CSMD1: variants seen among roughly 807,000 people sequenced by gnomAD.
The protein encoded by CSMD1 is CUB and sushi domain-containing protein 1.
CSMD1 carries 213 observed loss-of-function variants against 417.5 expected under a neutral mutation model. The ratio of observed to expected loss-of-function variants is 0.51; its 90% CI spans 0.46 to 0.57. CSMD1 has a LOEUF of 0.57. Ranked by LOEUF, CSMD1 falls within the 20% of genes least tolerant of loss-of-function variation. The pLI, the probability that CSMD1 is intolerant of heterozygous loss-of-function variation, is 0.00. For missense variants in CSMD1, 6,923 were observed against 4,529.7 expected, an observed-to-expected ratio of 1.53 and a Z score of -15.17; for synonymous variants, 2,862 against 1,736.8, an observed-to-expected ratio of 1.65 and a Z score of -16.11.
chr8:3,394,608 G>A (rs1018588759), intron 17 of CSMD1, among the ~76,000 whole-genome samples: 4 of 117,464 alleles, frequency 3.4e-5, no homozygotes, highest in Non-Finnish European at 6.9e-5. Flanking sequence ...TAAGAGTCAA[G>A]AAATTCTGGT....
chr8:3,161,867 G>C (rs1048205145), intron 38 of CSMD1, among the ~76,000 whole-genome samples: 1 of 152,278 alleles, frequency 6.6e-6, no homozygotes, highest in Admixed American at 6.5e-5. Flanking sequence ...CAAAGAGACA[G>C]TGTTGATATT....
At chr8:4,709,906 C>T (rs559138064) in intron 1 of CSMD1, among the ~76,000 whole-genome samples, 3 of 152,104 alleles carry the variant, frequency 2.0e-5, no homozygotes, top group African/African-American at 7.2e-5. Context: ...TGAAATGGCC[C>T]AAGGATTGAA....
intron 11 of CSMD1, among the ~76,000 whole-genome samples, chr8:3,490,935 A>G (rs1818338398): frequency 6.6e-6 from 1 of 152,220 alleles, no homozygotes; most frequent in Admixed American, 6.5e-5. Flanking sequence ...AGGGTGCAGA[A>G]AAATAGGATC....
chr8:4,465,515 G>T (rs992462515), intron 2 of CSMD1, among the ~76,000 whole-genome samples: 3 of 152,246 alleles, frequency 2.0e-5, no homozygotes, highest in Admixed American at 2.0e-4. Flanking sequence ...AACAGTGGGG[G>T]ATATGGAAGC....
intron 5 of CSMD1, among the ~76,000 whole-genome samples, chr8:3,801,702 C>A (rs1800469187): frequency 6.6e-6 from 1 of 152,012 alleles, no homozygotes; most frequent in Non-Finnish European, 1.5e-5. Flanking sequence ...TTCATAATAT[C>A]CAAAATATGG....
intron 25 of CSMD1, among the ~76,000 whole-genome samples, chr8:3,287,219 T>A (rs916261203): frequency 1.3e-5 from 2 of 148,968 alleles, no homozygotes; most frequent in Non-Finnish European, 3.0e-5. Flanking sequence ...GTAGTACAGT[T>A]TGAAGTCAGG....
chr8:3,749,089 T>C (rs112726633), intron 6 of CSMD1, among the ~76,000 whole-genome samples: 4 of 152,310 alleles, frequency 2.6e-5, no homozygotes, highest in African/African-American at 9.6e-5. Flanking sequence ...GGGGCCCTCA[T>C]GGTTCAAGAT....
At chr8:3,247,307 T>A (rs35047073) in intron 26 of CSMD1, among the ~76,000 whole-genome samples, 15 of 152,216 alleles carry the variant, frequency 9.9e-5, no homozygotes, top group Middle Eastern at 6.8e-3. Flanking sequence ...GCTGAAATTC[T>A]GCTACCTGGA....
chr8:3,101,482 A>T (rs930432158), intron 46 of CSMD1, among the ~76,000 whole-genome samples: 6 of 152,064 alleles, frequency 3.9e-5, no homozygotes, highest in Non-Finnish European at 5.9e-5. Context: ...GAGTGCAATG[A>T]CACGATCTCA....
intron 2 of CSMD1, among the ~76,000 whole-genome samples, chr8:4,429,026 A>AT (rs1317283931): frequency 1.3e-5 from 2 of 151,914 alleles, no homozygotes; most frequent in African/African-American, 4.8e-5. Flanking sequence ...TATCTTAGGT[A>AT]TTTTTTTAAT....
intron 49 of CSMD1, among the ~76,000 whole-genome samples, chr8:3,059,709 C>A (rs1812463361): frequency 6.6e-6 from 1 of 152,066 alleles, no homozygotes; most frequent in South Asian, 2.1e-4. Context: ...TAGGGCAGCC[C>A]ATGAGAGAGA....
chr8:4,354,164 C>T (rs1394900151), intron 3 of CSMD1, among the ~76,000 whole-genome samples: 5 of 152,120 alleles, frequency 3.3e-5, no homozygotes, highest in African/African-American at 1.2e-4. Flanking sequence ...AAAATTATAG[C>T]ATATTCCCAA....
intron 10 of CSMD1, among the ~76,000 whole-genome samples, chr8:3,543,638 G>GAAAA (rs113548867): frequency 6.9e-6 from 1 of 144,286 alleles, no homozygotes; most frequent in African/African-American, 2.5e-5. Context: ...CTAAATAACT[G>GAAAA]AAAAAAAAAA....
intron 1 of CSMD1, among the ~76,000 whole-genome samples, chr8:4,941,279 CAA>C (rs1371996334): frequency 8.4e-6 from 1 of 119,348 alleles, no homozygotes; most frequent in East Asian, 3.1e-4. Flanking sequence ...TTCTTTGATT[CAA>C]AAAGTTATTT....
chr8:4,232,502 CAT>C (rs374517487), intron 3 of CSMD1, among the ~76,000 whole-genome samples: 67 of 152,270 alleles, frequency 4.4e-4, no homozygotes, highest in African/African-American at 1.6e-3. Flanking sequence ...CCCAGCCACA[CAT>C]GTCCTTTAAA....
intron 3 of CSMD1, among the ~76,000 whole-genome samples, chr8:4,229,147 T>C (rs2128812767): frequency 6.6e-6 from 1 of 152,320 alleles, no homozygotes; most frequent in South Asian, 2.1e-4. Flanking sequence ...AACTCCCTTT[T>C]TCTATTTGGG....
At chr8:3,382,073 C>T (rs111967996) in intron 18 of CSMD1, among the ~76,000 whole-genome samples, 7 of 152,136 alleles carry the variant, frequency 4.6e-5, no homozygotes, top group African/African-American at 1.4e-4. Context: ...GCCTGGCCAA[C>T]ATGGCAAAAC....
chr8:3,546,058 T>C (rs973453632), intron 10 of CSMD1, among the ~76,000 whole-genome samples: 2 of 152,218 alleles, frequency 1.3e-5, no homozygotes, highest in Admixed American at 1.3e-4. Flanking sequence ...TCCATCAAGT[T>C]GACATTTAAC....
At chr8:4,503,611 G>T (rs1242414266) in intron 2 of CSMD1, among the ~76,000 whole-genome samples, 1 of 152,142 alleles carries the variant, frequency 6.6e-6, no homozygotes, top group East Asian at 1.9e-4. Context: ...GACCCAGCCA[G>T]CTTGAGTAAT....
Sources: allele counts gnomAD v4.1 joint callset (sites outside exome capture counted in the v4.1 genomes callset), GRCh38; gene constraint gnomAD v4.1.1; transcripts MANE v1.5; gene names NCBI Gene and HGNC (gene_info 2026-07-23, HGNC 2026-07-21).